PPARGC1A: variants seen among roughly 807,000 people sequenced by gnomAD.
PPARGC1A encodes the protein PPARG coactivator 1 alpha.
Under a neutral mutation model 88.7 loss-of-function variants are expected in PPARGC1A, and 25 were observed. The ratio of observed to expected loss-of-function variants is 0.28; its 90% CI spans 0.21 to 0.39. The LOEUF is 0.39. Among genes scored for constraint, PPARGC1A ranks in the 10% least tolerant of loss-of-function variants. The pLI, the probability that PPARGC1A is intolerant of heterozygous loss-of-function variation, is 1.00. For missense variants in PPARGC1A, 880 were observed against 968.7 expected (o/e 0.91, Z 1.22); for synonymous variants, 363 against 355.6 (o/e 1.02, Z -0.24).
chr4:24,237,217 C>G, the PPARGC1A span, among the ~76,000 whole-genome samples: 2 of 151,622 alleles, frequency 1.3e-5, no homozygotes, highest in Non-Finnish European at 2.9e-5. Flanking sequence ...CATTGTTTCC[C>G]CATCAATAGT....
At chr4:24,133,730 T>C in the PPARGC1A span, among the ~76,000 whole-genome samples, 2 of 152,298 alleles carry the variant, frequency 1.3e-5, no homozygotes, top group Admixed American at 6.5e-5. Flanking sequence ...TAGAGATTGG[T>C]ATAGGCAAGC....
At chr4:24,200,069 C>G in the PPARGC1A span, among the ~76,000 whole-genome samples, 1 of 151,760 alleles carries the variant, frequency 6.6e-6, no homozygotes, top group Non-Finnish European at 1.5e-5. Flanking sequence ...GCATTATCAA[C>G]ACAGAGAAAT....
the PPARGC1A span, among the ~76,000 whole-genome samples, chr4:23,950,034 C>T: frequency 6.6e-6 from 1 of 152,078 alleles, no homozygotes; most frequent in African/African-American, 2.4e-5. Flanking sequence ...TGATGCCTGG[C>T]AAGGTATAAA....
At chr4:24,245,585 T>C in the PPARGC1A span, among the ~76,000 whole-genome samples, 217 of 152,336 alleles carry the variant, frequency 1.4e-3, 1 homozygote, top group African/African-American at 4.5e-3. Flanking sequence ...TGAGGCACAT[T>C]TGCAACTTAT....
chr4:24,367,576 A>C, the PPARGC1A span, among the ~76,000 whole-genome samples: 1 of 152,288 alleles, frequency 6.6e-6, no homozygotes, highest in East Asian at 1.9e-4. Context: ...AATAATAATA[A>C]GTAATTTAGG....
At chr4:24,169,913 C>A in the PPARGC1A span, among the ~76,000 whole-genome samples, 3 of 152,152 alleles carry the variant, frequency 2.0e-5, no homozygotes, top group Non-Finnish European at 2.9e-5. Context: ...TACAAATGAG[C>A]CTTAATCCAA....
the PPARGC1A span, among the ~76,000 whole-genome samples, chr4:23,952,995 C>A: frequency 6.6e-6 from 1 of 151,956 alleles, no homozygotes; most frequent in African/African-American, 2.4e-5. Context: ...TGCATTACAA[C>A]CTTCCTTTCT....
At chr4:24,254,873 T>C in the PPARGC1A span, among the ~76,000 whole-genome samples, 40,711 of 152,162 alleles carry the variant, frequency 0.27, 5,872 homozygotes, top group East Asian at 0.44. Flanking sequence ...GAATTTATTC[T>C]TTCCCTCAGC....
the PPARGC1A span, among the ~76,000 whole-genome samples, chr4:24,345,130 C>G: frequency 1.3e-5 from 2 of 152,132 alleles, no homozygotes; most frequent in Non-Finnish European, 2.9e-5. Context: ...ATTTTTATAC[C>G]AGTACCACAC....
the PPARGC1A span, among the ~76,000 whole-genome samples, chr4:24,132,793 T>C: frequency 6.6e-6 from 1 of 152,074 alleles, no homozygotes; most frequent in South Asian, 2.1e-4. Flanking sequence ...TTCAAAGGGT[T>C]CCTCTGGCAC....
the PPARGC1A span, among the ~76,000 whole-genome samples, chr4:24,437,973 G>T: frequency 6.6e-6 from 1 of 152,164 alleles, no homozygotes; most frequent in South Asian, 2.1e-4. Context: ...CACTGTGCCC[G>T]GCCTACAGCA....
chr4:24,309,151 G>C, the PPARGC1A span, among the ~76,000 whole-genome samples: 1 of 151,594 alleles, frequency 6.6e-6, no homozygotes, highest in Non-Finnish European at 1.5e-5. Flanking sequence ...GAAAAAAAAA[G>C]ATGTCAAAGG....
At chr4:23,946,753 C>T in the PPARGC1A span, among the ~76,000 whole-genome samples, 7 of 151,662 alleles carry the variant, frequency 4.6e-5, no homozygotes, top group Non-Finnish European at 8.8e-5. Flanking sequence ...AGCTTCAAGT[C>T]TGAAAGTAGT....
the PPARGC1A span, among the ~76,000 whole-genome samples, chr4:24,398,592 C>T: frequency 6.6e-6 from 1 of 152,218 alleles, no homozygotes; most frequent in African/African-American, 2.4e-5. Flanking sequence ...TGTAGCATCA[C>T]AACTCCAATA....
the PPARGC1A span, among the ~76,000 whole-genome samples, chr4:24,365,338 T>C: frequency 1.3e-5 from 2 of 152,212 alleles, no homozygotes; most frequent in Admixed American, 1.3e-4. Flanking sequence ...CACAAATTTA[T>C]TCTCTGCCCG....
the PPARGC1A span, among the ~76,000 whole-genome samples, chr4:24,471,179 C>G: frequency 0.016 from 2,485 of 152,060 alleles, 24 homozygotes; most frequent in Non-Finnish European, 0.027. The surrounding 1 kb of genome is among the most constrained non-coding windows in gnomAD (Gnocchi z 5.4). Flanking sequence ...CCAGCTCCCC[C>G]CGCGGTGCGC....
the PPARGC1A span, among the ~76,000 whole-genome samples, chr4:24,367,351 A>C: frequency 6.6e-6 from 1 of 152,214 alleles, no homozygotes; most frequent in Admixed American, 6.5e-5. Flanking sequence ...TCAAGGTTGA[A>C]AGAGCAGACA....
the PPARGC1A span, among the ~76,000 whole-genome samples, chr4:24,449,612 G>A: frequency 6.6e-6 from 1 of 152,182 alleles, no homozygotes; most frequent in Admixed American, 6.5e-5. Context: ...CCTCTGACTT[G>A]TGATTGAAAG....
chr4:23,798,470 G>T (rs1200132490), intron 12 of PPARGC1A, among the ~76,000 whole-genome samples: 3 of 151,994 alleles, frequency 2.0e-5, no homozygotes, highest in Non-Finnish European at 2.9e-5. Context: ...ATTGGGATGT[G>T]GGAACGATTT....
Sources: allele counts gnomAD v4.1 joint callset (sites outside exome capture counted in the v4.1 genomes callset), GRCh38; gene constraint gnomAD v4.1.1; non-coding constraint Gnocchi (gnomAD v3.1); transcripts MANE v1.5; gene names NCBI Gene and HGNC (gene_info 2026-07-23, HGNC 2026-07-21).